The following ACER2 variants were observed in gnomAD, a reference collection of about 807,000 sequenced individuals.
ACER2 encodes alkaline ceramidase 2, also known as alkCDase 2.
ACER2 carries 26 observed loss-of-function variants against 34.7 expected under a neutral mutation model. The observed-to-expected ratio is 0.75, with a 90% CI of 0.55 to 1.04. The LOEUF (loss-of-function observed/expected upper bound fraction) is 1.04, where lower values mean the gene tolerates loss of function less well. ACER2 is among the 50% of genes least tolerant of loss of function. The pLI is 0.00. For synonymous variants in ACER2, 138 were observed against 132.1 expected, an observed-to-expected ratio of 1.04 and a Z score of -0.31; for missense variants, 352 against 340.8, an observed-to-expected ratio of 1.03 and a Z score of -0.26.
rs377345797 is a variant in ACER2 at position 19,422,961 on chromosome 9, G to A, written c.109-901G>A. 2.0e-5 allele frequency among the ~76,000 whole-genome samples: 3 copies of A among 151,518 alleles called. No individual in the cohort carries two copies. The East Asian group carries it at 5.8e-4, about 29-fold the overall frequency. On this transcript the variant is annotated intron_variant, in intron 1 of 5. Coordinates refer to ENST00000340967, the MANE Select transcript of ACER2 (RefSeq NM_001010887.3). ...GCAGGAGAATCGCTTGAACCTGGGAGGCAGAAGTTGCAGTGAGCTGAGACT... is the reference window on the plus strand; with the variant it reads ...GCAGGAGAATCGCTTGAACCTGGGAAGCAGAAGTTGCAGTGAGCTGAGACT...
chr9:19,414,102 C>G (rs894643761), intron 1 of ACER2, among the ~76,000 whole-genome samples: 7 of 152,178 alleles, frequency 4.6e-5, no homozygotes, highest in African/African-American at 1.7e-4. Context: ...ATAGAGTGAC[C>G]AAACTTGTCC....
intron 1 of ACER2, among the ~76,000 whole-genome samples, chr9:19,415,889 T>G (rs1830227004): frequency 6.6e-6 from 1 of 152,112 alleles, no homozygotes; most frequent in Non-Finnish European, 1.5e-5. Flanking sequence ...GAGCTAAATC[T>G]TTATTATCTA....
Position 19,452,371 on chromosome 9 carries a change from T to A in ACER2, c.*1735T>A, listed in dbSNP as rs1422929121. Among the ~76,000 whole-genome samples the A allele has an allele frequency of 6.6e-6, 1 of 152,206 alleles. No homozygotes were observed. Among genetic ancestry groups the A allele is most frequent in the Admixed American group, 6.5e-5 (1 of 15,280 alleles). On this transcript the variant is annotated 3_prime_UTR_variant, in exon 6 of 6. Coordinates refer to ENST00000340967, the MANE Select transcript of ACER2 (RefSeq NM_001010887.3). ...ACTGAATTTAGAGTTTAAAAATGAATGACTTTATGCTACATCTGTGGTTAT... is the reference window on the plus strand; with the variant it reads ...ACTGAATTTAGAGTTTAAAAATGAAAGACTTTATGCTACATCTGTGGTTAT...
chr9:19,425,389 A>G (rs565857864), intron 3 of ACER2, among the ~76,000 whole-genome samples: 1 of 152,356 alleles, frequency 6.6e-6, no homozygotes, highest in East Asian at 1.9e-4. Flanking sequence ...CTGGAAACCC[A>G]GAATTTCAGG....
intron 1 of ACER2, chr9:19,409,956 T>C: frequency 1.0e-6 from 1 of 984,982 alleles, no homozygotes; most frequent in Non-Finnish European, 1.2e-6. Flanking sequence ...ATTTTAGTTC[T>C]TGTGGTAGGG....
chr9:19,431,807 G>A (rs1008684537), intron 3 of ACER2, among the ~76,000 whole-genome samples: 2 of 152,206 alleles, frequency 1.3e-5, no homozygotes, highest in African/African-American at 4.8e-5. Flanking sequence ...CCTTGATGAT[G>A]AATGGCTTTC....
intron 3 of ACER2, among the ~76,000 whole-genome samples, chr9:19,430,507 C>T (rs1306771322): frequency 1.3e-5 from 2 of 152,166 alleles, no homozygotes; most frequent in Non-Finnish European, 2.9e-5. Context: ...ACTCTGGGGT[C>T]TGCTGGGCTG....
intron 1 of ACER2, among the ~76,000 whole-genome samples, chr9:19,423,555 G>C (rs1451966687): frequency 6.6e-6 from 1 of 152,154 alleles, no homozygotes; most frequent in Non-Finnish European, 1.5e-5. Flanking sequence ...ACAAAGATGA[G>C]CCAGGTATGG....
At chr9:19,420,875 C>T (rs910460199) in intron 1 of ACER2, among the ~76,000 whole-genome samples, 9 of 152,072 alleles carry the variant, frequency 5.9e-5, no homozygotes, top group Non-Finnish European at 1.0e-4. Context: ...GTTAGAAGAG[C>T]GCTAATCCAA....
chr9:19,414,134 T>C (rs1392902389), intron 1 of ACER2, among the ~76,000 whole-genome samples: 1 of 152,218 alleles, frequency 6.6e-6, no homozygotes, highest in Non-Finnish European at 1.5e-5. Context: ...CTGAGACTTT[T>C]CTGATTTTAA....
chr9:19,433,677 C>G (rs1330390959), intron 3 of ACER2, among the ~76,000 whole-genome samples: 1 of 152,282 alleles, frequency 6.6e-6, no homozygotes, highest in Non-Finnish European at 1.5e-5. Flanking sequence ...GGGCACACCT[C>G]CCAGATGGGG....
intron 4 of ACER2, among the ~76,000 whole-genome samples, chr9:19,437,750 C>A (rs935391903): frequency 2.6e-5 from 4 of 152,060 alleles, no homozygotes; most frequent in African/African-American, 4.8e-5. Context: ...AAAATCCTAC[C>A]CCTTCTGCAA....
At chr9:19,446,667 C>G (rs1395144379) in intron 5 of ACER2, 1 of 976,756 alleles carries the variant, frequency 1.0e-6, no homozygotes. Context: ...AGTCTTTTAC[C>G]TCTAACTCCA....
chr9:19,424,639 G>A (rs936822550), intron 2 of ACER2, 61 bp from the exon 3 acceptor site: 1 of 1,605,762 alleles, frequency 6.2e-7, no homozygotes. Context: ...TCCTTAAGCA[G>A]TGTATTGAAT....
chr9:19,443,184 C>T (rs940956570), intron 4 of ACER2, among the ~76,000 whole-genome samples: 12 of 152,142 alleles, frequency 7.9e-5, no homozygotes, highest in African/African-American at 2.9e-4. Context: ...GTGCCTGCCA[C>T]CATGCCCAGC....
At position 19,450,561 on chromosome 9, in the gene ACER2, G is replaced by GA. The variant is rs769451275; in HGVS notation, c.756dup (p.Trp253MetfsTer45). 1 of 1,610,056 alleles carries GA rather than the reference G, an allele frequency of 6.2e-7. No individual in the cohort carries two copies. The highest frequency in any genetic ancestry group is 8.5e-7 in the Non-Finnish European group (1 of 1,176,860). On this transcript the variant is annotated frameshift_variant, in exon 6 of 6. Coordinates refer to ENST00000340967, the MANE Select transcript of ACER2 (RefSeq NM_001010887.3). LOFTEE classifies it high-confidence loss of function. ...CTGTCATCAAGTTCTGGCCCAATGA[G>GA]AAATGGGCCTTCATTGGTGTCCCCT...
At chr9:19,418,546 A>G (rs1336096011) in intron 1 of ACER2, among the ~76,000 whole-genome samples, 1 of 152,220 alleles carries the variant, frequency 6.6e-6, no homozygotes, top group Non-Finnish European at 1.5e-5. Context: ...TGTCCTTTGC[A>G]GGGACATGGA....
chr9:19,409,454 C>T (rs930570384), intron 1 of ACER2, among the ~76,000 whole-genome samples: 7 of 152,124 alleles, frequency 4.6e-5, no homozygotes, highest in Non-Finnish European at 7.4e-5. Flanking sequence ...CTTGTTTGGC[C>T]CCCACGCGTC....
chr9:19,439,681 C>T lies in ACER2; in HGVS notation c.503+4597C>T, dbSNP rs199661432. Among the ~76,000 whole-genome samples, 8 of 152,294 alleles carry T rather than the reference C, an allele frequency of 5.3e-5. No homozygotes were observed. In the East Asian group the frequency reaches 1.4e-3, roughly 26 times the overall value. ...TCATAGCCAAACTTCTTTAAAAGCT[C>T]CATCGGCTGGGCTTGGTGGCTCATG... On this transcript the variant is annotated intron_variant, in intron 4 of 5. Coordinates refer to ENST00000340967, the MANE Select transcript of ACER2 (RefSeq NM_001010887.3).
Sources: gnomAD v4.1 joint callset for allele counts (sites outside exome capture counted in the v4.1 genomes callset) on GRCh38, gnomAD v4.1.1 for gene constraint, MANE v1.5 for transcripts, NCBI Gene and HGNC (gene_info 2026-07-23, HGNC 2026-07-21) for gene names.